ADCY2: variants seen among roughly 807,000 people sequenced by gnomAD.
ADCY2 encodes adenylate cyclase 2, also known as adenylate cyclase type 2.
In ADCY2, 31 loss-of-function variants were observed where a neutral mutation model predicts 125.2. The ratio of observed to expected loss-of-function variants is 0.25; its 90% CI spans 0.19 to 0.33. ADCY2 has a LOEUF of 0.33. Ranked by LOEUF, ADCY2 falls within the 10% of genes least tolerant of loss-of-function variation. The pLI is 1.00. For synonymous variants in ADCY2, 512 were observed against 548.4 expected (o/e 0.93, Z 0.93); for missense variants, 904 against 1,418.2 (o/e 0.64, Z 5.82).
rs149474589 is a variant in ADCY2 at position 7,402,588 on chromosome 5, T to C, written c.210+6082T>C. ...AGTTTTCTGACTCTGCCTAGAGTTC[T>C]AGAACAATTGTGCCAAGACAAAGAG... On this transcript the variant is annotated intron_variant, in intron 1 of 24. Transcript: ENST00000338316. Among the ~76,000 whole-genome samples the C allele has an allele frequency of 1.5e-4, 23 of 152,300 alleles. No homozygotes were observed. In the East Asian group the frequency reaches 3.9e-3, roughly 26 times the overall value.
chr5:7,508,906 C>G (rs116285565), intron 2 of ADCY2, among the ~76,000 whole-genome samples: 2,095 of 152,308 alleles, frequency 0.014, 63 homozygotes, highest in African/African-American at 0.049. Context: ...GAATGGTGCA[C>G]TATGATTCCA....
intron 2 of ADCY2, among the ~76,000 whole-genome samples, chr5:7,483,633 G>A (rs1742817760): frequency 6.6e-6 from 1 of 152,186 alleles, no homozygotes; most frequent in African/African-American, 2.4e-5. Context: ...AGATGACATG[G>A]CATGGGAGTG....
chr5:7,558,630 A>G (rs946890989), intron 3 of ADCY2, among the ~76,000 whole-genome samples: 8 of 151,916 alleles, frequency 5.3e-5, no homozygotes, highest in African/African-American at 1.7e-4. Flanking sequence ...CTCCCATTCT[A>G]TAGTTTGTTT....
intron 1 of ADCY2, among the ~76,000 whole-genome samples, chr5:7,403,886 C>T (rs558766186): frequency 1.3e-5 from 2 of 151,614 alleles, no homozygotes; most frequent in Admixed American, 6.6e-5. Context: ...ATGGGCTGTT[C>T]TGCCCCATTG....
intron 2 of ADCY2, among the ~76,000 whole-genome samples, chr5:7,460,720 G>T (rs1579465972): frequency 6.6e-6 from 1 of 151,894 alleles, no homozygotes; most frequent in South Asian, 2.1e-4. Flanking sequence ...ATGGAATTGT[G>T]TCCACGAGTA....
chr5:7,562,628 C>G (rs1456879634), intron 3 of ADCY2, among the ~76,000 whole-genome samples: 2 of 152,078 alleles, frequency 1.3e-5, no homozygotes, highest in Admixed American at 1.3e-4. Context: ...CACACGTGTA[C>G]ACAGACAGAC....
At chr5:7,771,039 CTGT>C (rs1231511010) in intron 17 of ADCY2, among the ~76,000 whole-genome samples, 1 of 152,174 alleles carries the variant, frequency 6.6e-6, no homozygotes, top group African/African-American at 2.4e-5. Context: ...GAACTCACTG[CTGT>C]ACTTTGAGTG....
At chr5:7,426,404 C>G (rs890770903) in intron 2 of ADCY2, among the ~76,000 whole-genome samples, 1 of 152,198 alleles carries the variant, frequency 6.6e-6, no homozygotes, top group African/African-American at 2.4e-5. Flanking sequence ...GATTTGGTGT[C>G]TGGCGAGAAT....
rs35870570 is a variant in ADCY2 at position 7,773,051 on chromosome 5, C to G, written c.2334C>G (p.Leu778=). The change falls in exon 18 of 25, where the codon CTC becomes CTG. Residue 778 remains leucine, a synonymous_variant. Coordinates refer to ENST00000338316, the MANE Select transcript of ADCY2 (RefSeq NM_020546.3). ...TGGTGGGCTACAACACCATCCTACT[C>G]CACACCCACGCCCACGTCCTGGGCG... is the stretch of plus-strand genomic sequence containing the variant. ...VALVGYNTIL[L]HTHAHVLGDY... 3.5e-4 allele frequency: 567 copies of G among 1,614,134 alleles called. 2 individuals carry two copies. The African/African-American group carries it at 6.6e-3, about 19-fold the overall frequency.
chr5:7,809,151 G>A (rs77172228), intron 22 of ADCY2, among the ~76,000 whole-genome samples: 5 of 152,162 alleles, frequency 3.3e-5, no homozygotes, highest in South Asian at 2.1e-4. Flanking sequence ...GGTTTGTACC[G>A]TGTTTTGCAT....
At chr5:7,455,777 A>C (rs1451067054) in intron 2 of ADCY2, among the ~76,000 whole-genome samples, 1 of 145,334 alleles carries the variant, frequency 6.9e-6, no homozygotes, top group South Asian at 2.1e-4. Flanking sequence ...TATATACTAT[A>C]TATTATATAA....
At chr5:7,695,618 G>T (rs111286347) in intron 5 of ADCY2, 134 bp from the exon 6 acceptor site, 5,223 of 457,980 alleles carry the variant, frequency 0.011, 45 homozygotes, top group African/African-American at 0.026. Flanking sequence ...CTTAATCTGA[G>T]AAAATGACCT....
chr5:7,514,882 T>A (rs1250853304), intron 2 of ADCY2, among the ~76,000 whole-genome samples: 12 of 152,228 alleles, frequency 7.9e-5, no homozygotes, highest in Admixed American at 7.9e-4. Flanking sequence ...GAACAAACCC[T>A]GCTGACACCT....
At chr5:7,672,214 G>A (rs1165379935) in intron 4 of ADCY2, among the ~76,000 whole-genome samples, 3 of 152,166 alleles carry the variant, frequency 2.0e-5, no homozygotes, top group African/African-American at 7.2e-5. Flanking sequence ...AAGATCTATT[G>A]TATGGCTTTT....
chr5:7,709,471 A>G lies in ADCY2; in HGVS notation c.1578+84A>G. Reference sequence around the variant, plus strand: ...CAAAGGCTGGGCATCTCCTGCCAAAATAACTCCTTTCTGTAAGAAACAAAC... The same window carrying G: ...CAAAGGCTGGGCATCTCCTGCCAAAGTAACTCCTTTCTGTAAGAAACAAAC... On this transcript the variant is annotated intron_variant, in intron 10 of 24. Coordinates refer to ENST00000338316, the MANE Select transcript of ADCY2 (RefSeq NM_020546.3). The surrounding 1 kb of genome is among the most constrained non-coding windows in gnomAD (Gnocchi z 4.4). The G allele has an allele frequency of 7.1e-7, 1 of 1,407,188 alleles. No individual in the cohort carries two copies. Among genetic ancestry groups the G allele is most frequent in the Non-Finnish European group, 9.4e-7 (1 of 1,065,320 alleles). The allele number at this position is 1,407,188 out of a possible 1,614,324, so 87.2% of individuals were successfully genotyped here. A position where few individuals can be genotyped will look rare whatever the true frequency, so the allele number is the denominator to read the frequency against.
intron 3 of ADCY2, among the ~76,000 whole-genome samples, chr5:7,592,340 T>G (rs1457092085): frequency 6.6e-6 from 1 of 152,124 alleles, no homozygotes; most frequent in Non-Finnish European, 1.5e-5. Flanking sequence ...GATTCTATAG[T>G]AAAAAAACTT....
Position 7,597,855 on chromosome 5 carries a change from C to T in ADCY2, c.571-28312C>T, listed in dbSNP as rs147895476. 2.1e-3 allele frequency among the ~76,000 whole-genome samples: 319 copies of T among 152,278 alleles called. 5 individuals are homozygous for T. The Middle Eastern group carries it at 0.024, about 11-fold the overall frequency. On this transcript the variant is annotated intron_variant, in intron 3 of 24. Transcript: ENST00000338316. ...TCATTCATTCGTTCTCACCCACTCA[C>T]CCCTTGATAATTCATAGAACACCTG...
At chr5:7,618,888 A>T (rs993483567) in intron 3 of ADCY2, among the ~76,000 whole-genome samples, 16 of 152,162 alleles carry the variant, frequency 1.1e-4, no homozygotes, top group Admixed American at 7.9e-4. Flanking sequence ...GTATAATTTT[A>T]TGTTTCTAAG....
chr5:7,779,582 C>G lies in ADCY2; in HGVS notation c.2385-4783C>G, dbSNP rs867311420. Among the ~76,000 whole-genome samples, 1,407 of 151,938 alleles carry G rather than the reference C, an allele frequency of 9.3e-3. 19 individuals are homozygous for G. Among genetic ancestry groups the G allele is most frequent in the African/African-American group, 0.032 (1,343 of 41,460 alleles). ...CCAGCACTCCCAGTCCAACCCCCCCCCCAACACACACTTTTGTCATCTTTT... is the reference window on the plus strand; with the variant it reads ...CCAGCACTCCCAGTCCAACCCCCCCGCCAACACACACTTTTGTCATCTTTT... On this transcript the variant is annotated intron_variant, in intron 18 of 24. Transcript: ENST00000338316.
Sources: allele counts gnomAD v4.1 joint callset (sites outside exome capture counted in the v4.1 genomes callset), GRCh38; gene constraint gnomAD v4.1.1; non-coding constraint Gnocchi (gnomAD v3.1); transcripts MANE v1.5; gene names NCBI Gene and HGNC (gene_info 2026-07-23, HGNC 2026-07-21).